The following HYDIN variants were observed in gnomAD, a reference collection of about 807,000 sequenced individuals.
HYDIN encodes the protein HYDIN axonemal central pair apparatus protein.
A neutral mutation model predicts 403.9 loss-of-function variants in HYDIN; 132 were observed. The ratio of observed to expected loss-of-function variants is 0.33; its 90% CI spans 0.28 to 0.38. HYDIN has a LOEUF of 0.38. Ranked by LOEUF, HYDIN falls within the 10% of genes least tolerant of loss-of-function variation. The pLI, the probability that HYDIN is intolerant of heterozygous loss-of-function variation, is 1.00. For synonymous variants in HYDIN, 1,202 were observed against 1,891.7 expected, an observed-to-expected ratio of 0.64 and a Z score of 9.46; for missense variants, 2,827 against 5,009.5, an observed-to-expected ratio of 0.56 and a Z score of 13.15.
intron 60 of HYDIN, among the ~76,000 whole-genome samples, chr16:70,882,196 AG>A (rs1395448671): frequency 1.1e-4 from 16 of 152,272 alleles, no homozygotes; most frequent in Non-Finnish European, 2.1e-4. Context: ...AGTTGTTGTG[AG>A]GGCAAAAGGA....
rs1258485947 is a variant in HYDIN, at chr16:70,908,284, G to A, written c.8364C>T (p.Ile2788=). The A allele has an allele frequency of 8.2e-6, 11 of 1,333,594 alleles. No homozygotes were observed. The allele number at this position is 1,333,594 out of a possible 1,614,324, so 82.6% of individuals were successfully genotyped here. A position where few individuals can be genotyped will look rare whatever the true frequency, so the allele number is the denominator to read the frequency against. Residue 2788 remains isoleucine, a synonymous_variant, in exon 49 of 86, where the codon ATC becomes ATT. Transcript: ENST00000393567. ...CCQYQLYCRG[I]CTYPYICQDP... The stretch of plus-strand genomic sequence containing the variant: ...CTTGGCAAATGTATGGGTAAGTGCA[G>A]ATGCCTCGGCAGTAGAGCTGGTACT...
intron 53 of HYDIN, among the ~76,000 whole-genome samples, chr16:70,896,662 T>G (rs2076213421): frequency 1.3e-5 from 2 of 150,036 alleles, no homozygotes; most frequent in Admixed American, 6.7e-5. Context: ...AACTGTTTTT[T>G]TTTTTTTTTT....
chr16:70,948,835 TAGG>T (rs1567887673), intron 41 of HYDIN, among the ~76,000 whole-genome samples: 2 of 148,356 alleles, frequency 1.3e-5, no homozygotes, highest in African/African-American at 4.9e-5. Flanking sequence ...TGTGGAGAAA[TAGG>T]AACACTTTTA....
At chr16:71,098,609 T>C (rs1006007522) in intron 10 of HYDIN, among the ~76,000 whole-genome samples, 10 of 151,574 alleles carry the variant, frequency 6.6e-5, no homozygotes, top group South Asian at 2.1e-4. Context: ...AGTATTTTGA[T>C]TGAGATCCAA....
At chr16:70,842,427 A>C (rs530791527) in intron 75 of HYDIN, among the ~76,000 whole-genome samples, 1 of 151,662 alleles carries the variant, frequency 6.6e-6, no homozygotes, top group African/African-American at 2.4e-5. Flanking sequence ...TTTTATCATT[A>C]TAAAATATCT....
intron 5 of HYDIN, among the ~76,000 whole-genome samples, chr16:71,168,028 A>G (rs939991422): frequency 6.6e-5 from 10 of 151,916 alleles, no homozygotes; most frequent in Admixed American, 5.9e-4. Context: ...CAATAAAAGT[A>G]TACATCCGGC....
intron 9 of HYDIN, among the ~76,000 whole-genome samples, chr16:71,125,374 C>A (rs1469208978): frequency 6.6e-6 from 1 of 152,214 alleles, no homozygotes; most frequent in African/African-American, 2.4e-5. Flanking sequence ...AACTCGTCAT[C>A]ATTTATTGAT....
intron 5 of HYDIN, among the ~76,000 whole-genome samples, chr16:71,170,123 T>C (rs2086402644): frequency 2.0e-5 from 3 of 152,286 alleles, no homozygotes; most frequent in Middle Eastern, 6.8e-3. Flanking sequence ...GTGTCATCCC[T>C]AATCACAACC....
At chr16:71,201,091 A>C (rs1336301725) in intron 1 of HYDIN, among the ~76,000 whole-genome samples, 2 of 152,100 alleles carry the variant, frequency 1.3e-5, no homozygotes, top group Non-Finnish European at 2.9e-5. Flanking sequence ...GGCTTCCTAG[A>C]CCCTTGACCT....
intron 8 of HYDIN, among the ~76,000 whole-genome samples, chr16:71,135,925 G>A (rs569367359): frequency 6.6e-6 from 1 of 150,844 alleles, no homozygotes; most frequent in African/African-American, 2.4e-5. Context: ...CTGCACACTG[G>A]GGGGGTTCTT....
chr16:70,982,338 T>C (rs1217208541), intron 28 of HYDIN, among the ~76,000 whole-genome samples: 2 of 151,186 alleles, frequency 1.3e-5, no homozygotes, highest in African/African-American at 2.4e-5. Flanking sequence ...TGAAGACAAT[T>C]ACCCTGACAA....
intron 67 of HYDIN, 34 bp downstream of exon 67, chr16:70,866,135 T>C (rs2039736634): frequency 6.2e-7 from 1 of 1,600,314 alleles, no homozygotes; most frequent in African/African-American, 1.3e-5. Flanking sequence ...AAAGAGCTTT[T>C]CCATCTAGTA....
intron 3 of HYDIN, among the ~76,000 whole-genome samples, chr16:71,180,921 A>G (rs1270757819): frequency 6.6e-6 from 1 of 152,102 alleles, no homozygotes; most frequent in Non-Finnish European, 1.5e-5. Context: ...TTTAGGTACT[A>G]GCAATGAACA....
chr16:70,818,282 T>G (rs1317842033), intron 84 of HYDIN, 60 bp downstream of exon 84: 1 of 1,047,112 alleles, frequency 9.6e-7, no homozygotes, highest in Non-Finnish European at 1.4e-6. Context: ...TCCAGAGATC[T>G]CATGGGTGGA....
At chr16:71,154,508 TCTAA>T (rs1054374094) in intron 6 of HYDIN, among the ~76,000 whole-genome samples, 28 of 131,976 alleles carry the variant, frequency 2.1e-4, no homozygotes, top group Admixed American at 1.2e-3. Flanking sequence ...ATTCATTTTT[TCTAA>T]CTATTTTTTA....
At chr16:71,177,291 A>G (rs1421778285) in intron 4 of HYDIN, among the ~76,000 whole-genome samples, 2 of 152,228 alleles carry the variant, frequency 1.3e-5, no homozygotes, top group Non-Finnish European at 2.9e-5. Context: ...GGCTAAAAAT[A>G]CCTCAGCAAG....
intron 24 of HYDIN, 35 bp from the exon 25 acceptor site, chr16:70,991,431 T>C (rs781003542): frequency 1.2e-6 from 2 of 1,607,492 alleles, no homozygotes; most frequent in South Asian, 1.1e-5. Context: ...GATTCACTCA[T>C]TGGGCTGTCA....
chr16:70,835,054 G>A (rs541591063), intron 78 of HYDIN, among the ~76,000 whole-genome samples: 1 of 142,872 alleles, frequency 7.0e-6, no homozygotes, highest in Non-Finnish European at 1.5e-5. Context: ...ATGGAGTGCC[G>A]TGGTGCGATC....
intron 1 of HYDIN, among the ~76,000 whole-genome samples, chr16:71,227,971 C>A (rs2041114117): frequency 6.6e-6 from 1 of 151,980 alleles, no homozygotes; most frequent in Non-Finnish European, 1.5e-5. Flanking sequence ...AGATATAGAC[C>A]AATGGAACAG....
Sources: gnomAD v4.1 joint callset for allele counts (sites outside exome capture counted in the v4.1 genomes callset) on GRCh38, gnomAD v4.1.1 for gene constraint, MANE v1.5 for transcripts, NCBI Gene and HGNC (gene_info 2026-07-23, HGNC 2026-07-21) for gene names.